WWOX: variants seen among roughly 807,000 people sequenced by gnomAD.
The protein encoded by WWOX is WW domain containing oxidoreductase, also known as WW domain-containing oxidoreductase.
In WWOX, 69 loss-of-function variants were observed where a neutral mutation model predicts 46.2. The observed-to-expected ratio is 1.49, with a 90% CI of 1.23 to 1.82. The LOEUF (loss-of-function observed/expected upper bound fraction) is 1.82. Ranked by LOEUF, WWOX falls within the 40% of genes most tolerant of loss-of-function variation. The pLI is 0.00. For synonymous variants in WWOX, 359 were observed against 202.6 expected (o/e 1.77, Z -6.56); for missense variants, 919 against 542.6 (o/e 1.69, Z -6.89).
chr16:79,159,828 A>T (rs1470376663), intron 8 of WWOX, among the ~76,000 whole-genome samples: 1 of 152,066 alleles, frequency 6.6e-6, no homozygotes, highest in Non-Finnish European at 1.5e-5. Flanking sequence ...TTGAGTCAGG[A>T]TTTATTTCTC....
At chr16:79,096,704 C>G (rs1167633043) in intron 8 of WWOX, among the ~76,000 whole-genome samples, 1 of 152,200 alleles carries the variant, frequency 6.6e-6, no homozygotes, top group Non-Finnish European at 1.5e-5. Flanking sequence ...TTTCTCCCCG[C>G]TCTTTGAGAA....
chr16:78,998,731 T>C (rs185924260), intron 8 of WWOX, among the ~76,000 whole-genome samples: 3 of 152,370 alleles, frequency 2.0e-5, no homozygotes, highest in Non-Finnish European at 2.9e-5. Flanking sequence ...TTTTAACTTA[T>C]ACATTGAAAG....
At chr16:79,133,705 A>G (rs141828762) in intron 8 of WWOX, among the ~76,000 whole-genome samples, 2 of 152,340 alleles carry the variant, frequency 1.3e-5, no homozygotes, top group African/African-American at 4.8e-5. Context: ...CAGTAATTTT[A>G]AAAGCCAGCA....
rs1478872201 is a variant in WWOX, at chr16:78,347,754, C to G, written c.517-39106C>G. Among the ~76,000 whole-genome samples the G allele has an allele frequency of 3.3e-5, 4 of 121,914 alleles. 2 individuals are homozygous for G. The highest frequency in any genetic ancestry group is 1.1e-4 in the African/African-American group (4 of 36,108). The allele number at this position is 121,914 out of a possible 152,430, so 80.0% of individuals were successfully genotyped here. On this transcript the variant is annotated intron_variant, in intron 5 of 8. Transcript: ENST00000566780. ...TATTCATGAGACTGCTAAATAGTTGCCCTGGCAATTTCTGATTATAATTTT... is the reference window on the plus strand; with the variant it reads ...TATTCATGAGACTGCTAAATAGTTGGCCTGGCAATTTCTGATTATAATTTT...
intron 8 of WWOX, among the ~76,000 whole-genome samples, chr16:78,860,890 G>T (rs907606218): frequency 6.6e-6 from 1 of 152,168 alleles, no homozygotes; most frequent in Admixed American, 6.5e-5. Context: ...AGGCTAGAGT[G>T]CAGTGGCCTC....
At chr16:79,198,514 C>G (rs1400491139) in intron 8 of WWOX, among the ~76,000 whole-genome samples, 1 of 152,176 alleles carries the variant, frequency 6.6e-6, no homozygotes, top group Non-Finnish European at 1.5e-5. Flanking sequence ...CACATCAAAC[C>G]TAAGAGTCTC....
chr16:78,475,858 A>G (rs2084337463), intron 8 of WWOX, among the ~76,000 whole-genome samples: 1 of 152,142 alleles, frequency 6.6e-6, no homozygotes, highest in Non-Finnish European at 1.5e-5. Flanking sequence ...ACCTCCCAAA[A>G]TGCTGCGATT....
intron 8 of WWOX, among the ~76,000 whole-genome samples, chr16:79,088,487 C>A (rs562280275): frequency 6.6e-6 from 1 of 152,338 alleles, no homozygotes; most frequent in East Asian, 1.9e-4. Context: ...ACCTCACAGT[C>A]ATCAGCAAGT....
intron 8 of WWOX, among the ~76,000 whole-genome samples, chr16:78,885,239 G>T (rs2044430164): frequency 1.1e-5 from 1 of 88,196 alleles, no homozygotes; most frequent in African/African-American, 3.4e-5. Context: ...AAATGCAGAA[G>T]GAACACTGAA....
chr16:78,734,099 C>T (rs548172837), intron 8 of WWOX, among the ~76,000 whole-genome samples: 26 of 151,916 alleles, frequency 1.7e-4, no homozygotes, highest in African/African-American at 5.8e-4. Flanking sequence ...GTCGTCCATC[C>T]GTCCATCTAT....
In WWOX at chr16:78,422,836, TATACATATACACACACACACACAC is replaced by T. The variant is rs1567563673; in HGVS notation, c.606-2032_606-2009del. The stretch of plus-strand genomic sequence containing the variant: ...ATATATATACACACACATATATATA[TATACATATACACACACACACACAC>T]ACACACACACACACACACACACACA... On this transcript the variant is annotated intron_variant, in intron 6 of 8. Transcript: ENST00000566780. 1.6e-3 allele frequency among the ~76,000 whole-genome samples: 173 copies of T among 106,686 alleles called. 12 individuals carry two copies. The highest frequency in any genetic ancestry group is 6.7e-3 in the African/African-American group (165 of 24,704). The allele number at this position is 106,686 out of a possible 152,430, so 70.0% of individuals were successfully genotyped here. A position where few individuals can be genotyped will look rare whatever the true frequency, so the allele number is the denominator to read the frequency against.
intron 8 of WWOX, among the ~76,000 whole-genome samples, chr16:78,879,531 C>T (rs1486759521): frequency 6.6e-6 from 1 of 152,114 alleles, no homozygotes; most frequent in African/African-American, 2.4e-5. Flanking sequence ...GGCCTTTGGC[C>T]TCGTGACCAC....
intron 8 of WWOX, among the ~76,000 whole-genome samples, chr16:78,434,779 T>A (rs961060233): frequency 1.3e-5 from 2 of 152,250 alleles, no homozygotes; most frequent in East Asian, 1.9e-4. Context: ...AGGGGTGATA[T>A]AACCATCCTG....
chr16:78,445,054 C>T (rs962689279), intron 8 of WWOX, among the ~76,000 whole-genome samples: 6 of 152,078 alleles, frequency 3.9e-5, no homozygotes, highest in African/African-American at 9.7e-5. Flanking sequence ...CTCACCTAAT[C>T]GTGTAGTGAG....
chr16:78,100,154 A>C (rs2031666153), intron 1 of WWOX: 3 of 1,311,146 alleles, frequency 2.3e-6, no homozygotes, highest in African/African-American at 1.6e-5. Context: ...GCGAGGGCAA[A>C]GCGGCCTCAT....
intron 5 of WWOX, chr16:78,280,875 G>A (rs1597440443): frequency 6.5e-6 from 1 of 152,914 alleles, no homozygotes; most frequent in African/African-American, 2.4e-5. Flanking sequence ...CATCAGAATT[G>A]TGTATTTTGG....
At chr16:78,456,369 G>A (rs1432158731) in intron 8 of WWOX, among the ~76,000 whole-genome samples, 1 of 150,276 alleles carries the variant, frequency 6.7e-6, no homozygotes, top group East Asian at 1.9e-4. Context: ...AAGTAGCAAT[G>A]GAAACAAACT....
chr16:78,710,904 A>T (rs1220186885), intron 8 of WWOX, among the ~76,000 whole-genome samples: 1 of 152,122 alleles, frequency 6.6e-6, no homozygotes, highest in African/African-American at 2.4e-5. Flanking sequence ...GGTGTGAGCC[A>T]CCATGCCAAA....
At chr16:78,130,343 G>C (rs770015595) in intron 4 of WWOX, among the ~76,000 whole-genome samples, 8 of 152,136 alleles carry the variant, frequency 5.3e-5, no homozygotes, top group Non-Finnish European at 1.2e-4. Context: ...GTGAATGTGA[G>C]AACACAGTGG....
Sources: allele counts gnomAD v4.1 joint callset (sites outside exome capture counted in the v4.1 genomes callset), GRCh38; gene constraint gnomAD v4.1.1; transcripts MANE v1.5; gene names NCBI Gene and HGNC (gene_info 2026-07-23, HGNC 2026-07-21).